NPHP1: variants seen among roughly 807,000 people sequenced by gnomAD.
NPHP1 encodes the protein nephrocystin-1.
A neutral mutation model predicts 90.4 loss-of-function variants in NPHP1; 70 were observed. The ratio of observed to expected loss-of-function variants is 0.77; its 90% confidence interval spans 0.64 to 0.95. NPHP1 has a LOEUF of 0.95. Ranked by LOEUF, NPHP1 falls within the 40% of genes least tolerant of loss-of-function variation. The pLI is 0.00. For missense variants in NPHP1, 764 were observed against 795.9 expected (o/e 0.96, Z 0.48); for synonymous variants, 256 against 271.7 (o/e 0.94, Z 0.57).
intron 11 of NPHP1, among the ~76,000 whole-genome samples, chr2:110,150,459 T>C (rs1472324791): frequency 6.6e-6 from 1 of 152,198 alleles, no homozygotes; most frequent in Non-Finnish European, 1.5e-5. Flanking sequence ...TGGACTCCTA[T>C]GCTAGTAATA....
At chr2:110,149,393 C>T (rs1559061981) in intron 12 of NPHP1, among the ~76,000 whole-genome samples, 1 of 152,064 alleles carries the variant, frequency 6.6e-6, no homozygotes. Flanking sequence ...AGTACTGTGC[C>T]AAAAGAGAGG....
chr2:110,161,065 C>G (rs1250882878), intron 10 of NPHP1, among the ~76,000 whole-genome samples: 1 of 152,030 alleles, frequency 6.6e-6, no homozygotes, highest in East Asian at 1.9e-4. Flanking sequence ...ACTCAGGAAG[C>G]TGAAGTGGGA....
At chr2:110,128,392 ACTCC>A (rs996927267) in intron 18 of NPHP1, 1 of 149,544 alleles carries the variant, frequency 6.7e-6, no homozygotes, top group Non-Finnish European at 1.5e-5. Context: ...TCTACCAACC[ACTCC>A]CTTACTTGCA....
At chr2:110,200,651 A>G (rs1474964257) in intron 2 of NPHP1, among the ~76,000 whole-genome samples, 1 of 152,210 alleles carries the variant, frequency 6.6e-6, no homozygotes, top group African/African-American at 2.4e-5. Context: ...AATTCAGTCT[A>G]TAAATCTTAC....
chr2:110,152,497 C>T lies in NPHP1; in HGVS notation c.1084-2241G>A, dbSNP rs1009022131. Among the ~76,000 whole-genome samples the T allele has an allele frequency of 2.1e-4, 32 of 150,434 alleles. 1 individual carries two copies. Among genetic ancestry groups the T allele is most frequent in the Admixed American group, 1.7e-3 (26 of 15,062 alleles). ...CTAGAGGTTTCCTGGGCTCTGAGTC[C>T]AGAAGGAGCATGGGGTAGCAAGGGG... On this transcript the variant is annotated intron_variant, in intron 11 of 19. Transcript: ENST00000445609.
intron 2 of NPHP1, among the ~76,000 whole-genome samples, chr2:110,181,189 T>G (rs1248836181): frequency 1.3e-5 from 2 of 152,148 alleles, no homozygotes; most frequent in African/African-American, 2.4e-5. Flanking sequence ...TGGGGTTCAG[T>G]AGACTTAGCC....
chr2:110,148,309 T>G (rs958043327), intron 12 of NPHP1, among the ~76,000 whole-genome samples: 4 of 152,118 alleles, frequency 2.6e-5, no homozygotes, highest in African/African-American at 7.2e-5. Flanking sequence ...ATGCCTGCTC[T>G]CCCTTCACCT....
chr2:110,134,456 T>G (rs1680015791), intron 16 of NPHP1, among the ~76,000 whole-genome samples: 1 of 144,902 alleles, frequency 6.9e-6, no homozygotes, highest in Admixed American at 6.9e-5. Context: ...TTCCAAAAAA[T>G]GAAGAGGAAA....
chr2:110,129,268 C>A lies in NPHP1; in HGVS notation c.1643-9G>T, dbSNP rs1395643179. The A allele has an allele frequency of 4.4e-6, 7 of 1,608,002 alleles. 1 individual carries two copies. In the South Asian group the frequency reaches 7.7e-5, roughly 18 times the overall value. ...GGGATGGCTAATTAAATCTGAAATG[C>A]AAAACAACAGAAAGAATTTTATGCA... On this transcript the variant is annotated splice_polypyrimidine_tract_variant and intron_variant, in intron 17 of 19. Transcript: ENST00000445609.
At chr2:110,190,839 G>T (rs866720819) in intron 2 of NPHP1, among the ~76,000 whole-genome samples, 2 of 152,020 alleles carry the variant, frequency 1.3e-5, no homozygotes, top group African/African-American at 4.8e-5. Flanking sequence ...CTAATATCCA[G>T]AGTCTAAAAA....
At position 110,193,959 on chromosome 2, in the gene NPHP1, C is replaced by T. The variant is rs185922149; in HGVS notation, c.143+7462G>A. 8.9e-4 allele frequency among the ~76,000 whole-genome samples: 135 copies of T among 152,056 alleles called. 1 individual carries two copies. The East Asian group carries it at 0.015, about 16-fold the overall frequency. ...AAATAAAGATGTTCTTTGAAACCAA[C>T]GAGAACAAAGCCACAACATACCAGA... On this transcript the variant is annotated intron_variant, in intron 2 of 19. Transcript: ENST00000445609.
intron 16 of NPHP1, among the ~76,000 whole-genome samples, chr2:110,141,568 G>C (rs1467196011): frequency 6.6e-6 from 1 of 152,032 alleles, no homozygotes; most frequent in Non-Finnish European, 1.5e-5. Context: ...TCATTTATTA[G>C]AATGGCCAAA....
At chr2:110,185,657 G>A (rs1350567562) in intron 2 of NPHP1, among the ~76,000 whole-genome samples, 2 of 152,130 alleles carry the variant, frequency 1.3e-5, no homozygotes, top group South Asian at 4.2e-4. Flanking sequence ...CCCCCTGACT[G>A]GGCACTGAGG....
At chr2:110,183,851 C>T (rs552213328) in intron 2 of NPHP1, among the ~76,000 whole-genome samples, 13 of 152,208 alleles carry the variant, frequency 8.5e-5, no homozygotes, top group African/African-American at 3.1e-4. Context: ...ACAAAATATG[C>T]ATTCTACTCA....
chr2:110,177,373 G>A (rs1273882425), intron 4 of NPHP1, among the ~76,000 whole-genome samples: 3 of 152,094 alleles, frequency 2.0e-5, no homozygotes, highest in East Asian at 3.9e-4. Flanking sequence ...CACTGAAATA[G>A]TCTGAATAAC....
intron 17 of NPHP1, among the ~76,000 whole-genome samples, chr2:110,129,742 C>T (rs1679646434): frequency 6.6e-6 from 1 of 152,080 alleles, no homozygotes; most frequent in Admixed American, 6.5e-5. Context: ...AGCCAGCAGA[C>T]AGTGGTAGGT....
intron 4 of NPHP1, among the ~76,000 whole-genome samples, chr2:110,172,962 C>CTTTTTTTTTTTTTTTTT (rs559012343): frequency 1.5e-5 from 2 of 136,100 alleles, no homozygotes; most frequent in Non-Finnish European, 1.6e-5. Flanking sequence ...TTTTCTTTTT[C>CTTTTTTTTTTTTTTTTT]TTTTTTTTTT....
At chr2:110,163,494 A>AT (rs1037694765) in intron 8 of NPHP1, 16 of 296,976 alleles carry the variant, frequency 5.4e-5, no homozygotes, top group South Asian at 1.5e-4. Context: ...GAATTAATGG[A>AT]TTTTTTTTGT....
Position 110,123,592 on chromosome 2 carries a change from T to C in NPHP1, c.*199A>G, listed in dbSNP as rs1679131109. On this transcript the variant is annotated 3_prime_UTR_variant, in exon 20 of 20. Coordinates refer to ENST00000445609, the MANE Select transcript of NPHP1 (RefSeq NM_001128178.3). ...TTAAATTTAGATATAACAGTATTCC[T>C]TATAAAAATTTATTTTATGGTTTTA... 4 of 560,124 alleles carry C rather than the reference T, an allele frequency of 7.1e-6. No individual in the cohort carries two copies. Among genetic ancestry groups the C allele is most frequent in the Non-Finnish European group, 1.2e-5 (4 of 324,490 alleles). The allele number at this position is 560,124 out of a possible 1,614,324, so 34.7% of individuals were successfully genotyped here.
Sources: gnomAD v4.1 joint callset for allele counts (sites outside exome capture counted in the v4.1 genomes callset) on GRCh38, gnomAD v4.1.1 for gene constraint, MANE v1.5 for transcripts, NCBI Gene and HGNC (gene_info 2026-07-23, HGNC 2026-07-21) for gene names.